PTPRD: variants seen among roughly 807,000 people sequenced by gnomAD.
The protein encoded by PTPRD is receptor-type tyrosine-protein phosphatase delta.
In PTPRD, 34 loss-of-function variants were observed where a neutral mutation model predicts 214.5. That is an observed-to-expected ratio of 0.16 (90% CI 0.12 to 0.21). PTPRD has a LOEUF of 0.21. Among genes scored for constraint, PTPRD ranks in the 10% least tolerant of loss-of-function variants. The pLI is 1.00. For missense variants in PTPRD, 2,545 were observed against 2,398.7 expected, an observed-to-expected ratio of 1.06 and a Z score of -1.27; for synonymous variants, 1,128 against 845.7, an observed-to-expected ratio of 1.33 and a Z score of -5.79.
At chr9:10,189,437 A>G (rs2099352837) in intron 3 of PTPRD, among the ~76,000 whole-genome samples, 1 of 152,198 alleles carries the variant, frequency 6.6e-6, no homozygotes, top group East Asian at 1.9e-4. Context: ...TAACACCACT[A>G]AAGGCCCAAC....
intron 14 of PTPRD, among the ~76,000 whole-genome samples, chr9:8,545,984 A>G (rs1347012797): frequency 2.0e-5 from 3 of 152,190 alleles, no homozygotes; most frequent in Admixed American, 2.0e-4. Context: ...CCAAGCACAT[A>G]ATATCACCAA....
At chr9:9,763,689 A>C (rs1351491853) in intron 6 of PTPRD, among the ~76,000 whole-genome samples, 3 of 152,148 alleles carry the variant, frequency 2.0e-5, no homozygotes, top group Non-Finnish European at 2.9e-5. Flanking sequence ...CCCACTTTCC[A>C]ATCTGTACAC....
intron 11 of PTPRD, among the ~76,000 whole-genome samples, chr9:8,932,504 G>C (rs1471938184): frequency 6.6e-6 from 1 of 152,174 alleles, no homozygotes; most frequent in Non-Finnish European, 1.5e-5. Flanking sequence ...CTGTCGCAGG[G>C]AGATGGGAGT....
At chr9:8,750,768 T>G (rs2093440034) in intron 11 of PTPRD, among the ~76,000 whole-genome samples, 1 of 152,084 alleles carries the variant, frequency 6.6e-6, no homozygotes, top group Non-Finnish European at 1.5e-5. Flanking sequence ...GAAAATAAAG[T>G]GGGCCCAGGT....
At chr9:10,505,110 C>T (rs555961131) in intron 2 of PTPRD, among the ~76,000 whole-genome samples, 2 of 152,290 alleles carry the variant, frequency 1.3e-5, no homozygotes, top group East Asian at 3.9e-4. Flanking sequence ...TTAAAGTGAA[C>T]AGGCTTCAAG....
chr9:8,727,666 G>A (rs1018064488), intron 12 of PTPRD, among the ~76,000 whole-genome samples: 1 of 151,654 alleles, frequency 6.6e-6, no homozygotes, highest in African/African-American at 2.4e-5. Flanking sequence ...TTGTTTGTTT[G>A]TTTGTTTTGA....
At chr9:8,572,059 A>G (rs2091293543) in intron 14 of PTPRD, among the ~76,000 whole-genome samples, 1 of 152,108 alleles carries the variant, frequency 6.6e-6, no homozygotes, top group East Asian at 1.9e-4. Context: ...TGACACCGCA[A>G]AGCAAAATGC....
In PTPRD at chr9:9,814,190, G is replaced by C. The variant is rs751545387; in HGVS notation, c.-367-47339C>G. Among the ~76,000 whole-genome samples the C allele has an allele frequency of 4.6e-5, 7 of 152,000 alleles. No individual in the cohort carries two copies. In the South Asian group the frequency reaches 1.2e-3, roughly 27 times the overall value. ...TGTGACAAGCCAAAAGTAAACATTA[G>C]ACTCAATGATGAAAAGTTGAAAGGT... On this transcript the variant is annotated intron_variant, in intron 5 of 45. Coordinates refer to ENST00000381196, the MANE Select transcript of PTPRD (RefSeq NM_002839.4).
chr9:10,064,424 CT>C (rs1274853275), intron 3 of PTPRD, among the ~76,000 whole-genome samples: 1 of 151,880 alleles, frequency 6.6e-6, no homozygotes, highest in Non-Finnish European at 1.5e-5. Context: ...TATAGGCTTC[CT>C]ATTATTTCAT....
chr9:9,499,456 T>C (rs986586948), intron 8 of PTPRD, among the ~76,000 whole-genome samples: 4 of 152,154 alleles, frequency 2.6e-5, no homozygotes, highest in Admixed American at 1.3e-4. Context: ...GGAAATCTAT[T>C]GTTATTATAA....
chr9:10,277,319 C>A (rs10959007), intron 3 of PTPRD, among the ~76,000 whole-genome samples: 42,373 of 151,762 alleles, frequency 0.28, 6,002 homozygotes, highest in East Asian at 0.31. Flanking sequence ...TGCCTTTATC[C>A]CAAATCCATT....
chr9:9,792,854 G>T (rs933234989), intron 5 of PTPRD, among the ~76,000 whole-genome samples: 8 of 152,032 alleles, frequency 5.3e-5, no homozygotes, highest in Non-Finnish European at 1.0e-4. Context: ...GAAATTTAAT[G>T]GTGTTTATAA....
chr9:10,551,629 C>T (rs187172283), intron 2 of PTPRD, among the ~76,000 whole-genome samples: 119 of 152,218 alleles, frequency 7.8e-4, no homozygotes, highest in South Asian at 2.3e-3. Context: ...CTGCCAGTAC[C>T]TTGATTTTGA....
At chr9:8,389,872 T>A (rs1178686248) in intron 36 of PTPRD, among the ~76,000 whole-genome samples, 1 of 152,202 alleles carries the variant, frequency 6.6e-6, no homozygotes, top group South Asian at 2.1e-4. Context: ...AGGAAACTCA[T>A]ATATAAACTC....
chr9:9,218,918 A>G (rs2099954054), intron 9 of PTPRD, among the ~76,000 whole-genome samples: 1 of 152,138 alleles, frequency 6.6e-6, no homozygotes, highest in East Asian at 1.9e-4. Flanking sequence ...AAGAAGCCAA[A>G]TAGACCTTTT....
intron 9 of PTPRD, among the ~76,000 whole-genome samples, chr9:9,278,922 G>A (rs568597455): frequency 6.6e-6 from 1 of 151,374 alleles, no homozygotes; most frequent in African/African-American, 2.4e-5. Context: ...TGCCAGGTCA[G>A]ATATGCTTTA....
intron 3 of PTPRD, among the ~76,000 whole-genome samples, chr9:10,222,398 C>T (rs73641887): frequency 0.014 from 2,184 of 152,080 alleles, 55 homozygotes; most frequent in African/African-American, 0.049. Flanking sequence ...TAAAACAATA[C>T]TTTGGGTCAA....
intron 2 of PTPRD, among the ~76,000 whole-genome samples, chr9:10,581,007 A>G (rs774434235): frequency 5.3e-5 from 8 of 152,102 alleles, no homozygotes; most frequent in Non-Finnish European, 8.8e-5. Flanking sequence ...TATATTGCAA[A>G]CCTGGGATCC....
intron 4 of PTPRD, among the ~76,000 whole-genome samples, chr9:9,950,804 A>G (rs975221944): frequency 2.6e-5 from 4 of 151,788 alleles, no homozygotes; most frequent in African/African-American, 9.7e-5. Context: ...CCCTGAATCA[A>G]TAATGCATCT....
Sources: gnomAD v4.1 joint callset for allele counts (sites outside exome capture counted in the v4.1 genomes callset) on GRCh38, gnomAD v4.1.1 for gene constraint, MANE v1.5 for transcripts, NCBI Gene and HGNC (gene_info 2026-07-23, HGNC 2026-07-21) for gene names.